TFPI2: variants seen among roughly 807,000 people sequenced by gnomAD.
TFPI2 encodes the protein tissue factor pathway inhibitor 2, also known as placental protein 5.
In TFPI2, 23 loss-of-function variants were observed where a neutral mutation model predicts 23.1. The observed-to-expected ratio is 1.00, with a 90% CI of 0.72 to 1.41. The LOEUF (loss-of-function observed/expected upper bound fraction) is 1.41. TFPI2 is among the 40% of genes most tolerant of loss of function. TFPI2 has a pLI of 0.00. For missense variants in TFPI2, 291 were observed against 299.6 expected, an observed-to-expected ratio of 0.97 and a Z score of 0.21; for synonymous variants, 119 against 111.7, an observed-to-expected ratio of 1.07 and a Z score of -0.41.
intron 2 of TFPI2, 52 bp downstream of exon 2, chr7:93,890,085 C>T (rs1461430045): frequency 5.3e-6 from 8 of 1,501,462 alleles, no homozygotes; most frequent in East Asian, 2.4e-5. Context: ...AAGCTGCTAC[C>T]AGCCGCCGGC....
rs967165650 is a variant in TFPI2 at position 93,886,397 on chromosome 7, G to A, written c.*423C>T. On this transcript the variant is annotated 3_prime_UTR_variant, in exon 5 of 5. Transcript: ENST00000222543. Reference sequence around the variant, plus strand: ...TTAATCTGCGACTTTGTCTTCTTGGGACTAAAATATAATCCAACTTTTAAA... The same window carrying A: ...TTAATCTGCGACTTTGTCTTCTTGGAACTAAAATATAATCCAACTTTTAAA... 6.5e-6 allele frequency: 1 copy of A among 153,000 alleles called. No individual in the cohort carries two copies. Among genetic ancestry groups the A allele is most frequent in the African/African-American group, 2.4e-5 (1 of 41,426 alleles). The allele number at this position is 153,000 out of a possible 1,614,324, so 9.5% of individuals were successfully genotyped here. A position where few individuals can be genotyped will look rare whatever the true frequency, so the allele number is the denominator to read the frequency against.
Position 93,890,618 on chromosome 7 carries a change from G to C in TFPI2, c.61C>G (p.Leu21Val). 6.2e-7 allele frequency: 1 copy of C among 1,613,490 alleles called. No homozygotes were observed. Among genetic ancestry groups the C allele is most frequent in the Non-Finnish European group, 8.5e-7 (1 of 1,179,846 alleles). Reference protein sequence around the residue: ...ILLLFLTEAALGDAAQEPTGN... With the variant: ...ILLLFLTEAAVGDAAQEPTGN... ...GTTGGCTCCTGAGCAGCATCGCCCAGTGCAGCCTCCGTCAGGAAAAGCAGC... is the reference window on the plus strand; with the variant it reads ...GTTGGCTCCTGAGCAGCATCGCCCACTGCAGCCTCCGTCAGGAAAAGCAGC... Residue 21 changes from leucine (L) to valine (V), a missense_variant, in exon 1 of 5, where the codon CTG (leucine) becomes GTG (valine). By Grantham distance (32) the Leu-to-Val change is conservative (BLOSUM62 1). Transcript: ENST00000222543.
intron 2 of TFPI2, 106 bp from the exon 3 acceptor site, chr7:93,889,329 G>T: frequency 9.4e-7 from 1 of 1,060,054 alleles, no homozygotes; most frequent in Non-Finnish European, 1.4e-6. Context: ...AGTTGTATTA[G>T]TGTTGGGATA....
intron 3 of TFPI2, among the ~76,000 whole-genome samples, chr7:93,888,536 G>A (rs886939123): frequency 1.1e-5 from 1 of 94,432 alleles, no homozygotes. Flanking sequence ...AAGGAAGGAA[G>A]GAAGGAAAGA....
rs1383294528 is a variant in TFPI2 at position 93,885,760 on chromosome 7, A to G, written c.*1060T>C. 1 of 152,088 alleles carries G rather than the reference A, an allele frequency of 6.6e-6. No homozygotes were observed. The highest frequency in any genetic ancestry group is 6.5e-5 in the Admixed American group (1 of 15,272). The allele number at this position is 152,088 out of a possible 1,614,324, so 9.4% of individuals were successfully genotyped here. ...TCAGCATCATTCAAAGTTCTCAGGC[A>G]TATACCTATTTGTCAAAATAACTGG... On this transcript the variant is annotated 3_prime_UTR_variant, in exon 5 of 5. Coordinates refer to ENST00000222543, the MANE Select transcript of TFPI2 (RefSeq NM_006528.4).
Position 93,890,224 on chromosome 7 carries a change from G to C in TFPI2, c.184C>G (p.Arg62Gly), listed in dbSNP as rs1794102217. 6.2e-7 allele frequency: 1 copy of C among 1,613,918 alleles called. No individual in the cohort carries two copies. The highest frequency in any genetic ancestry group is 1.3e-5 in the African/African-American group (1 of 74,932). Residue 62 changes from arginine to glycine, a missense_variant, in exon 2 of 5, where the codon CGC (arginine) becomes GGC (glycine). Arg to Gly is a moderately radical substitution (Grantham distance 125, BLOSUM62 -2). Transcript: ENST00000222543. ...TCGCAGCCCCCGTACAGGAACTGGCGGCAGCTCTGCGTGTACCTGTCGTAG... is the reference window on the plus strand; with the variant it reads ...TCGCAGCCCCCGTACAGGAACTGGCCGCAGCTCTGCGTGTACCTGTCGTAG... ...YYYDRYTQSC[R>G]QFLYGGCEGN...
At chr7:93,886,949 A>C (rs1299212361) in intron 4 of TFPI2, 53 bp from the exon 5 acceptor site, 6 of 1,249,556 alleles carry the variant, frequency 4.8e-6, no homozygotes, top group Non-Finnish European at 5.5e-6. Flanking sequence ...CTGTAGGCTC[A>C]CTATAAATCA....
chr7:93,890,553 G>T (rs746888077), intron 1 of TFPI2, 38 bp downstream of exon 1: 2 of 1,600,104 alleles, frequency 1.2e-6, no homozygotes, highest in Admixed American at 1.7e-5. Context: ...CGCCCTCTCC[G>T]CCGGTTGGGG....
At position 93,890,662 on chromosome 7, in the gene TFPI2, G is replaced by A; in HGVS notation, c.17C>T (p.Pro6Leu). MDPAR[P>L]LGLSILLLFL... ...AAGCAGCAGAATCGACAGCCCCAGG[G>A]GGCGAGCGGGGTCCATGGTGCAGGG... Residue 6 changes from proline to leucine, a missense_variant, in exon 1 of 5, where the codon CCC becomes CTC. Physicochemically the swap from Pro to Leu is moderately conservative, Grantham distance 98. Transcript: ENST00000222543. The A allele has an allele frequency of 6.2e-7, 1 of 1,612,848 alleles. No homozygotes were observed. The highest frequency in any genetic ancestry group is 8.5e-7 in the Non-Finnish European group (1 of 1,179,694).
Position 93,887,252 on chromosome 7 carries a change from A to T in TFPI2, c.631+9T>A, listed in dbSNP as rs1194038185. ...TTATCTAAAGGTGGAATAAGAAAAC[A>T]TTCACTACCTTTTGCACATGCACGT... On this transcript the variant is annotated intron_variant, in intron 4 of 4. Coordinates refer to ENST00000222543, the MANE Select transcript of TFPI2 (RefSeq NM_006528.4). 4.4e-6 allele frequency: 7 copies of T among 1,595,404 alleles called. No homozygotes were observed.
rs768776319 is a variant in TFPI2 at position 93,890,554 on chromosome 7, C to T, written c.88+37G>A. Reference sequence around the variant, plus strand: ...CCCATGGCCCGCTGCGCCCTCTCCGCCGGTTGGGGAGAGAAGCTCCTGGAG... The same window carrying T: ...CCCATGGCCCGCTGCGCCCTCTCCGTCGGTTGGGGAGAGAAGCTCCTGGAG... On this transcript the variant is annotated intron_variant, in intron 1 of 4. Coordinates refer to ENST00000222543, the MANE Select transcript of TFPI2 (RefSeq NM_006528.4). 14 of 1,602,692 alleles carry T rather than the reference C, an allele frequency of 8.7e-6. No homozygotes were observed. The Middle Eastern group carries it at 6.7e-4, about 77-fold the overall frequency.
intron 3 of TFPI2, 24 bp from the exon 4 acceptor site, chr7:93,887,455 T>C: frequency 3.2e-6 from 5 of 1,585,498 alleles, no homozygotes; most frequent in Non-Finnish European, 4.3e-6. Context: ...AGAAGAAAAT[T>C]AGAAATGTTA....
In TFPI2 at chr7:93,889,108, C is replaced by G; in HGVS notation, c.387G>C (p.Gly129=). The change falls in exon 3 of 5, where the codon GGG becomes GGC. Residue 129 remains glycine (G), a synonymous_variant. Coordinates refer to ENST00000222543, the MANE Select transcript of TFPI2 (RefSeq NM_006528.4). ...TGTTCTCAATCCGGTTCCGGTGACA[C>G]CCACCGGAAAAGAATTTTTCACATG... ...SMTCEKFFSG[G]CHRNRIENRF... 8.1e-6 allele frequency: 13 copies of G among 1,613,128 alleles called. No homozygotes were observed. Among genetic ancestry groups the G allele is most frequent in the Non-Finnish European group, 1.1e-5 (13 of 1,179,626 alleles).
rs2115836426 is a variant in TFPI2 at position 93,886,151 on chromosome 7, CCATCTATCTCTATGTAAA to C, written c.*651_*668del. On this transcript the variant is annotated 3_prime_UTR_variant, in exon 5 of 5. Coordinates refer to ENST00000222543, the MANE Select transcript of TFPI2 (RefSeq NM_006528.4). ...TTTAACAATAGGAAAACCCTTAAAA[CCATCTATCTCTATGTAAA>C]CACAAACATATACATGTGAGTGGGG... 1 of 152,124 alleles carries C rather than the reference CCATCTATCTCTATGTAAA, an allele frequency of 6.6e-6. No individual in the cohort carries two copies. The highest frequency in any genetic ancestry group is 1.5e-5 in the Non-Finnish European group (1 of 67,880). 9.4% of individuals were successfully genotyped at this position (152,124 alleles called of 1,614,324 possible).
intron 4 of TFPI2, 87 bp from the exon 5 acceptor site, chr7:93,886,983 C>T: frequency 1.0e-6 from 1 of 973,422 alleles, no homozygotes; most frequent in Non-Finnish European, 1.5e-6. Context: ...GGTTATTGAG[C>T]TCACTTCATC....
chr7:93,890,168 C>T lies in TFPI2; in HGVS notation c.240G>A (p.Glu80=). 1 of 1,612,558 alleles carries T rather than the reference C, an allele frequency of 6.2e-7. No individual in the cohort carries two copies. Among genetic ancestry groups the T allele is most frequent in the Non-Finnish European group, 8.5e-7 (1 of 1,178,844 alleles). Residue 80 remains glutamate, a synonymous_variant, in exon 2 of 5, where the codon GAG becomes GAA. Coordinates refer to ENST00000222543, the MANE Select transcript of TFPI2 (RefSeq NM_006528.4). The stretch of plus-strand genomic sequence containing the variant: ...TCCTCCAGCAAGCATCGTCGCAAGC[C>T]TCCCAGGTGTAGAAATTGTTGGCGT... ...EGNANNFYTW[E]ACDDACWRIE... is the part of the protein sequence containing the mutation.
chr7:93,886,953 T>C, intron 4 of TFPI2, 57 bp from the exon 5 acceptor site: 1 of 1,260,198 alleles, frequency 7.9e-7, no homozygotes, highest in Non-Finnish European at 1.1e-6. Flanking sequence ...AGGCTCACTA[T>C]AAATCACTAT....
rs1277571865 is a variant in TFPI2 at position 93,886,143 on chromosome 7, C to T, written c.*677G>A. The T allele has an allele frequency of 6.6e-6, 1 of 151,914 alleles. No homozygotes were observed. Among genetic ancestry groups the T allele is most frequent in the African/African-American group, 2.4e-5 (1 of 41,396 alleles). 9.4% of individuals were successfully genotyped at this position (151,914 alleles called of 1,614,324 possible). The stretch of plus-strand genomic sequence containing the variant: ...GGAAATAATTTAACAATAGGAAAAC[C>T]CTTAAAACCATCTATCTCTATGTAA... On this transcript the variant is annotated 3_prime_UTR_variant, in exon 5 of 5. Coordinates refer to ENST00000222543, the MANE Select transcript of TFPI2 (RefSeq NM_006528.4).
chr7:93,886,989 T>C, intron 4 of TFPI2, 93 bp from the exon 5 acceptor site: 1 of 966,900 alleles, frequency 1.0e-6, no homozygotes, highest in Non-Finnish European at 1.5e-6. Flanking sequence ...TGAGCTCACT[T>C]CATCTTATTT....
Sources: allele counts gnomAD v4.1 joint callset (sites outside exome capture counted in the v4.1 genomes callset), GRCh38; gene constraint gnomAD v4.1.1; transcripts MANE v1.5; gene names NCBI Gene and HGNC (gene_info 2026-07-23, HGNC 2026-07-21).